AGMO: variants seen among roughly 807,000 people sequenced by gnomAD.
AGMO encodes the protein glyceryl-ether monooxygenase.
In AGMO, 75 loss-of-function variants were observed where a neutral mutation model predicts 60.2. The ratio of observed to expected loss-of-function variants is 1.25; its 90% CI spans 1.03 to 1.51. The LOEUF (loss-of-function observed/expected upper bound fraction) is 1.51, where lower values mean the gene tolerates loss of function less well. Among genes scored for constraint, AGMO ranks in the 40% most tolerant of loss-of-function variants. The probability of loss-of-function intolerance (pLI) is 0.00; values close to 1 mark genes in which losing one functional copy is unlikely to be tolerated. For missense variants in AGMO, 763 were observed against 525.5 expected, an observed-to-expected ratio of 1.45 and a Z score of -4.42; for synonymous variants, 261 against 177.1, an observed-to-expected ratio of 1.47 and a Z score of -3.76.
At chr7:15,502,653 G>A (rs969865968) in intron 3 of AGMO, among the ~76,000 whole-genome samples, 8 of 151,978 alleles carry the variant, frequency 5.3e-5, no homozygotes, top group Non-Finnish European at 8.8e-5. Flanking sequence ...CTACAGAAAG[G>A]AAGACCTCAG....
chr7:15,399,912 A>G (rs1029828533), intron 5 of AGMO, among the ~76,000 whole-genome samples: 14 of 152,178 alleles, frequency 9.2e-5, no homozygotes, highest in African/African-American at 3.4e-4. Flanking sequence ...CTAAGACCTT[A>G]ACCTTCTATC....
intron 8 of AGMO, among the ~76,000 whole-genome samples, chr7:15,388,471 A>C (rs1784012771): frequency 6.6e-6 from 1 of 152,242 alleles, no homozygotes; most frequent in Non-Finnish European, 1.5e-5. Context: ...TATAATGTAC[A>C]TTAATATACT....
intron 12 of AGMO, among the ~76,000 whole-genome samples, chr7:15,211,169 G>A (rs1456191961): frequency 6.6e-6 from 1 of 151,934 alleles, no homozygotes; most frequent in African/African-American, 2.4e-5. Context: ...TTTATAAAAT[G>A]GGAGTATTAG....
intron 12 of AGMO, among the ~76,000 whole-genome samples, chr7:15,301,103 G>T (rs1158238851): frequency 1.3e-5 from 2 of 152,156 alleles, no homozygotes; most frequent in Non-Finnish European, 2.9e-5. Context: ...GTGATTGCAT[G>T]TGTTTGTGGG....
intron 3 of AGMO, among the ~76,000 whole-genome samples, chr7:15,445,406 ATCACATGATATATTG>A (rs1410750605): frequency 6.6e-6 from 1 of 152,186 alleles, no homozygotes; most frequent in Non-Finnish European, 1.5e-5. Context: ...ATTCAATATT[ATCACATGATATATTG>A]CTGTTCCTTT....
chr7:15,382,223 A>G (rs561044607), intron 10 of AGMO, among the ~76,000 whole-genome samples: 51 of 152,206 alleles, frequency 3.4e-4, no homozygotes, highest in Admixed American at 7.9e-4. Flanking sequence ...AATAATCTCT[A>G]TAACAACTTT....
chr7:15,334,311 GTTT>G (rs5882496), intron 12 of AGMO, among the ~76,000 whole-genome samples: 2,692 of 146,128 alleles, frequency 0.018, 69 homozygotes, highest in African/African-American at 0.061. Context: ...ACCTTGGTGA[GTTT>G]TTTTTTTTTT....
At chr7:15,531,406 C>CTA (rs1276155641) in intron 3 of AGMO, among the ~76,000 whole-genome samples, 4 of 59,496 alleles carry the variant, frequency 6.7e-5, no homozygotes, top group East Asian at 5.0e-4. Flanking sequence ...TATATATATT[C>CTA]TATATATATT....
chr7:15,239,227 C>G (rs956448733), intron 12 of AGMO, among the ~76,000 whole-genome samples: 1 of 152,082 alleles, frequency 6.6e-6, no homozygotes, highest in East Asian at 1.9e-4. Flanking sequence ...GCAGTAGTGA[C>G]TTGGCTAGGA....
intron 2 of AGMO, among the ~76,000 whole-genome samples, chr7:15,553,857 G>T (rs1785049801): frequency 6.6e-6 from 1 of 152,036 alleles, no homozygotes; most frequent in African/African-American, 2.4e-5. Flanking sequence ...AAATCGAGCT[G>T]AAATATGCCT....
At chr7:15,147,773 T>C in the AGMO span, among the ~76,000 whole-genome samples, 1 of 152,136 alleles carries the variant, frequency 6.6e-6, no homozygotes, top group East Asian at 1.9e-4. Flanking sequence ...AGAAACCTAG[T>C]AGCCTCTGCC....
At chr7:15,442,369 A>G (rs1297195309) in intron 3 of AGMO, among the ~76,000 whole-genome samples, 1 of 152,142 alleles carries the variant, frequency 6.6e-6, no homozygotes, top group East Asian at 1.9e-4. Flanking sequence ...ACTAATGACT[A>G]TCAGGTCTTG....
chr7:15,338,287 G>A (rs1486482213), intron 12 of AGMO, among the ~76,000 whole-genome samples: 1 of 152,020 alleles, frequency 6.6e-6, no homozygotes, highest in Non-Finnish European at 1.5e-5. Flanking sequence ...ATCACCTGGA[G>A]AAGAAAAGGT....
chr7:15,307,114 AATG>A (rs1480830643), intron 12 of AGMO, among the ~76,000 whole-genome samples: 1 of 152,082 alleles, frequency 6.6e-6, no homozygotes, highest in Non-Finnish European at 1.5e-5. Context: ...ATCTACTAGT[AATG>A]ATGATGACAT....
downstream of AGMO, among the ~76,000 whole-genome samples, chr7:15,195,880 T>C (rs1781104464): frequency 6.6e-6 from 1 of 152,112 alleles, no homozygotes; most frequent in Non-Finnish European, 1.5e-5. Flanking sequence ...ATCAGACAAA[T>C]GCAAACAGGA....
the AGMO span, among the ~76,000 whole-genome samples, chr7:15,184,645 GAGGA>G: frequency 2.5e-4 from 5 of 20,352 alleles, no homozygotes; most frequent in Non-Finnish European, 3.3e-4. Flanking sequence ...GAAGGGAAAG[GAGGA>G]AGGGAGGGAA....
At chr7:15,232,729 C>T (rs965246189) in intron 12 of AGMO, among the ~76,000 whole-genome samples, 6 of 151,738 alleles carry the variant, frequency 4.0e-5, no homozygotes, top group African/African-American at 1.5e-4. Flanking sequence ...TACAATTCAA[C>T]ACTTCAGTAC....
At chr7:15,224,166 GATT>G (rs1221054784) in intron 12 of AGMO, among the ~76,000 whole-genome samples, 1 of 151,680 alleles carries the variant, frequency 6.6e-6, no homozygotes, top group Non-Finnish European at 1.5e-5. Flanking sequence ...TCTGGAATCA[GATT>G]ATGAGTAAAA....
chr7:15,386,818 G>A (rs543354585), intron 9 of AGMO, among the ~76,000 whole-genome samples: 14 of 152,284 alleles, frequency 9.2e-5, no homozygotes, highest in South Asian at 4.1e-4. Context: ...TTCCCCAGAA[G>A]AGTAATTTTG....
Sources: gnomAD v4.1 joint callset for allele counts (sites outside exome capture counted in the v4.1 genomes callset) on GRCh38, gnomAD v4.1.1 for gene constraint, MANE v1.5 for transcripts, NCBI Gene and HGNC (gene_info 2026-07-23, HGNC 2026-07-21) for gene names.